ROCK2: variants seen among roughly 807,000 people sequenced by gnomAD.
ROCK2 encodes the protein Rho associated coiled-coil containing protein kinase 2, also known as rho-associated protein kinase 2.
ROCK2 carries 61 observed loss-of-function variants against 195.1 expected under a neutral mutation model. That is an observed-to-expected ratio of 0.31 (90% CI 0.25 to 0.39). The LOEUF (loss-of-function observed/expected upper bound fraction) is 0.39. Among genes scored for constraint, ROCK2 ranks in the 10% least tolerant of loss-of-function variants. ROCK2 has a pLI of 1.00. For missense variants in ROCK2, 1,109 were observed against 1,637.4 expected, an observed-to-expected ratio of 0.68 and a Z score of 5.57; for synonymous variants, 504 against 545.5, an observed-to-expected ratio of 0.92 and a Z score of 1.06.
intron 20 of ROCK2, among the ~76,000 whole-genome samples, chr2:11,207,411 G>A (rs72785488): frequency 0.043 from 6,469 of 152,164 alleles, 275 homozygotes; most frequent in Non-Finnish European, 0.06. Flanking sequence ...ACAGGCACAC[G>A]GACAATAAGC....
At chr2:11,283,236 C>T (rs1667069531) in intron 3 of ROCK2, among the ~76,000 whole-genome samples, 1 of 148,306 alleles carries the variant, frequency 6.7e-6, no homozygotes. Flanking sequence ...CCATTGCACT[C>T]CAGCCTGGCG....
At position 11,211,726 on chromosome 2, in the gene ROCK2, T is replaced by TA; in HGVS notation, c.2157dup (p.Lys720Ter). ...GCTTCTTCGATGGACTCATAGATCT[T>TA]ATTTTTATCTGCTAGTCGTGCCTTT... is the stretch of plus-strand genomic sequence containing the variant. On this transcript the variant is annotated frameshift_variant, in exon 18 of 33. Transcript: ENST00000315872. LOFTEE classifies it high-confidence loss of function. 6.2e-7 allele frequency: 1 copy of TA among 1,613,466 alleles called. No homozygotes were observed. The highest frequency in any genetic ancestry group is 8.5e-7 in the Non-Finnish European group (1 of 1,179,658).
intron 20 of ROCK2, among the ~76,000 whole-genome samples, chr2:11,203,572 C>T (rs1663942237): frequency 2.0e-5 from 3 of 152,044 alleles, no homozygotes; most frequent in Admixed American, 2.0e-4. Flanking sequence ...TCAGAGGGAG[C>T]ACGTGATTTA....
intron 15 of ROCK2, 109 bp from the exon 16 acceptor site, chr2:11,215,195 A>G: frequency 6.7e-7 from 1 of 1,484,232 alleles, no homozygotes; most frequent in Non-Finnish European, 9.0e-7. Context: ...ACAAAAACCT[A>G]AAAATATTTT....
intron 1 of ROCK2, among the ~76,000 whole-genome samples, chr2:11,337,464 G>A (rs1363230869): frequency 2.0e-5 from 3 of 152,038 alleles, no homozygotes; most frequent in African/African-American, 4.8e-5. Context: ...TAAATGGCCC[G>A]TAAGTGCAAG....
At chr2:11,231,601 C>A (rs1665013277) in intron 5 of ROCK2, among the ~76,000 whole-genome samples, 1 of 152,142 alleles carries the variant, frequency 6.6e-6, no homozygotes, top group Non-Finnish European at 1.5e-5. Flanking sequence ...GTACACCCAA[C>A]ATAGCAGTAG....
At chr2:11,228,133 G>C (rs759197044) in intron 5 of ROCK2, among the ~76,000 whole-genome samples, 1 of 152,158 alleles carries the variant, frequency 6.6e-6, no homozygotes, top group East Asian at 1.9e-4. Flanking sequence ...AATGACTAGA[G>C]AAGTATGGTG....
rs960296603 is a variant in ROCK2 at position 11,293,884 on chromosome 2, C to T, written c.142-6148G>A. Among the ~76,000 whole-genome samples, 9 of 152,096 alleles carry T rather than the reference C, an allele frequency of 5.9e-5. No individual in the cohort carries two copies. The South Asian group carries it at 1.7e-3, about 28-fold the overall frequency. ...ATTTTAAAAGAACGTACGGGCCAGG[C>T]GCGGTGGCTCACACCTGTAATCCCA... On this transcript the variant is annotated intron_variant, in intron 1 of 32. Transcript: ENST00000315872.
rs1375404614 is a variant in ROCK2, at chr2:11,201,350, T to C, written c.2683A>G (p.Lys895Glu). ...EECEEKTKLG[K>E]ELQQKKQELQ... ...TCCTGTTTCTTCTGCTGCAATTCTT[T>C]ACCAAGTTTGGTCTTTTCTTCACAT... Residue 895 changes from lysine to glutamate, a missense_variant, in exon 22 of 33, where the codon AAA (lysine) becomes GAA (glutamate). Transcript: ENST00000315872. This position sits in a 1 kb window ranked among gnomAD's most constrained non-coding sequence, Gnocchi z 4.6. The C allele has an allele frequency of 6.2e-7, 1 of 1,613,398 alleles. No homozygotes were observed. The highest frequency in any genetic ancestry group is 1.1e-5 in the South Asian group (1 of 91,076).
chr2:11,276,889 C>A (rs1311128676), intron 3 of ROCK2, among the ~76,000 whole-genome samples: 2 of 152,014 alleles, frequency 1.3e-5, no homozygotes, highest in Admixed American at 1.3e-4. Flanking sequence ...GTATTTTACA[C>A]CCCCCGTGAA....
At chr2:11,317,611 T>TAA (rs1558388591) in intron 1 of ROCK2, among the ~76,000 whole-genome samples, 1 of 24,560 alleles carries the variant, frequency 4.1e-5, no homozygotes, top group Admixed American at 4.5e-4. Context: ...TATATATATA[T>TAA]ATTTTTTTTT....
chr2:11,198,877 A>ATT, intron 23 of ROCK2, 103 bp from the exon 24 acceptor site: 3 of 562,596 alleles, frequency 5.3e-6, no homozygotes, highest in Non-Finnish European at 2.8e-6. Flanking sequence ...TAAACCTCTT[A>ATT]TTTTTCTTTT....
chr2:11,194,281 T>C lies in ROCK2; in HGVS notation c.3583A>G (p.Asn1195Asp). 1 of 1,451,904 alleles carries C rather than the reference T, an allele frequency of 6.9e-7. No individual in the cohort carries two copies. The highest frequency in any genetic ancestry group is 9.4e-7 in the Non-Finnish European group (1 of 1,066,676). The allele number at this position is 1,451,904 out of a possible 1,614,324, so 89.9% of individuals were successfully genotyped here. ...YDSEQDKEQS[N>D]PYMVLDIDKL... ...TCTATATCTAAAACCATGTAAGGAT[T>C]GGATTGTTCTTTATCTTGTTCACTG... Residue 1195 changes from asparagine (N) to aspartate (D), a missense_variant, in exon 29 of 33, where the codon AAT (asparagine) becomes GAT (aspartate). Coordinates refer to ENST00000315872, the MANE Select transcript of ROCK2 (RefSeq NM_004850.5).
intron 3 of ROCK2, among the ~76,000 whole-genome samples, chr2:11,263,279 G>A (rs1316093718): frequency 6.6e-6 from 1 of 152,178 alleles, no homozygotes; most frequent in Non-Finnish European, 1.5e-5. Flanking sequence ...AAGGATCACA[G>A]TCAATTCTTC....
At chr2:11,205,140 A>G (rs557519383) in intron 20 of ROCK2, among the ~76,000 whole-genome samples, 2 of 152,324 alleles carry the variant, frequency 1.3e-5, no homozygotes, top group Non-Finnish European at 2.9e-5. Context: ...TAATTACCCC[A>G]GAGGTTGTAC....
chr2:11,320,258 T>G (rs1035651501), intron 1 of ROCK2, among the ~76,000 whole-genome samples: 1 of 152,212 alleles, frequency 6.6e-6, no homozygotes, highest in African/African-American at 2.4e-5. Flanking sequence ...CAAACTCAAA[T>G]ACATTCCAGG....
In ROCK2 at chr2:11,215,420, A is replaced by G. The variant is rs1402112207; in HGVS notation, c.1598-8T>C. The stretch of plus-strand genomic sequence containing the variant: ...GATCTTTTAAGCTGTTAACTATGAT[A>G]AAAAGCATTTCAGTGGCAAGCTTAG... On this transcript the variant is annotated splice_polypyrimidine_tract_variant and splice_region_variant and intron_variant, in intron 14 of 32. Coordinates refer to ENST00000315872, the MANE Select transcript of ROCK2 (RefSeq NM_004850.5). The G allele has an allele frequency of 6.2e-7, 1 of 1,603,126 alleles. No homozygotes were observed. The highest frequency in any genetic ancestry group is 1.1e-5 in the South Asian group (1 of 89,202).
At position 11,239,802 on chromosome 2, in the gene ROCK2, G is replaced by A. The variant is rs576952977; in HGVS notation, c.463-3840C>T. ...ATTTCCCTCACTTCAGAAATCAGCT[G>A]CACTTTGGGGATCCCCAGGTTCCCT... On this transcript the variant is annotated intron_variant, in intron 4 of 32. Coordinates refer to ENST00000315872, the MANE Select transcript of ROCK2 (RefSeq NM_004850.5). 1.6e-4 allele frequency among the ~76,000 whole-genome samples: 25 copies of A among 152,302 alleles called. No individual in the cohort carries two copies. In the South Asian group the frequency reaches 5.0e-3, roughly 30 times the overall value.
At chr2:11,204,748 G>A (rs1663990114) in intron 20 of ROCK2, among the ~76,000 whole-genome samples, 2 of 152,120 alleles carry the variant, frequency 1.3e-5, no homozygotes, top group Non-Finnish European at 2.9e-5. Flanking sequence ...TTTACATTGT[G>A]TCTGGTTCTC....
Sources: allele counts gnomAD v4.1 joint callset (sites outside exome capture counted in the v4.1 genomes callset), GRCh38; gene constraint gnomAD v4.1.1; non-coding constraint Gnocchi (gnomAD v3.1); transcripts MANE v1.5; gene names NCBI Gene and HGNC (gene_info 2026-07-23, HGNC 2026-07-21).